The following MRTFA variants were observed in gnomAD, a reference collection of about 807,000 sequenced individuals.
MRTFA encodes the protein myocardin related transcription factor A.
In MRTFA, 20 loss-of-function variants were observed where a neutral mutation model predicts 83.5. The observed-to-expected ratio is 0.24, with a 90% CI of 0.17 to 0.35. The LOEUF (loss-of-function observed/expected upper bound fraction) is 0.35, where lower values mean the gene tolerates loss of function less well. Ranked by LOEUF, MRTFA falls within the 10% of genes least tolerant of loss-of-function variation. MRTFA has a pLI of 1.00. For missense variants in MRTFA, 1,200 were observed against 1,224.7 expected, an observed-to-expected ratio of 0.98 and a Z score of 0.30; for synonymous variants, 659 against 541.2, an observed-to-expected ratio of 1.22 and a Z score of -3.02.
In MRTFA at chr22:40,567,899, T is replaced by C. The variant is rs117518970; in HGVS notation, c.-21-15532A>G. On this transcript the variant is annotated intron_variant, in intron 2 of 14. Coordinates refer to ENST00000355630, the MANE Select transcript of MRTFA (RefSeq NM_020831.6). ...GTTTCTCAATGACATCCTCTCCGGA[T>C]AGATCAAGAATATGCTCCTACTTTA... Among the ~76,000 whole-genome samples, 175 of 152,312 alleles carry C rather than the reference T, an allele frequency of 1.1e-3. 3 individuals carry two copies. The East Asian group carries it at 0.03, about 26-fold the overall frequency.
intron 12 of MRTFA, 129 bp from the exon 13 acceptor site, chr22:40,417,622 G>T: frequency 1.5e-6 from 1 of 669,606 alleles, no homozygotes; most frequent in Non-Finnish European, 2.5e-6. Context: ...GGAGGCACTG[G>T]CTTTTAGGGA....
chr22:40,596,048 G>A (rs554088351), intron 1 of MRTFA, among the ~76,000 whole-genome samples: 3 of 151,352 alleles, frequency 2.0e-5, no homozygotes, highest in Admixed American at 6.6e-5. Flanking sequence ...TTGCTCTCTG[G>A]CCACTAATGT....
rs190165853 is a variant in MRTFA at position 40,449,884 on chromosome 22, C to T, written c.307+13337G>A. Among the ~76,000 whole-genome samples, 344 of 152,316 alleles carry T rather than the reference C, an allele frequency of 2.3e-3. 3 individuals are homozygous for T. Among genetic ancestry groups the T allele is most frequent in the South Asian group, 3.7e-3 (18 of 4,828 alleles). On this transcript the variant is annotated intron_variant, in intron 4 of 14. Coordinates refer to ENST00000355630, the MANE Select transcript of MRTFA (RefSeq NM_020831.6). ...GGCTTAATTCAGATGGGATGGATTC[C>T]ACACCCTGATATTTTTATCAGGGGC...
intron 3 of MRTFA, among the ~76,000 whole-genome samples, chr22:40,528,918 T>C (rs2055027163): frequency 1.3e-5 from 2 of 152,084 alleles, no homozygotes; most frequent in Non-Finnish European, 2.9e-5. Flanking sequence ...CTATCGTTAG[T>C]GTTAATGTAT....
At chr22:40,599,742 T>C (rs1356208349) in intron 1 of MRTFA, among the ~76,000 whole-genome samples, 2 of 151,272 alleles carry the variant, frequency 1.3e-5, no homozygotes, top group Non-Finnish European at 2.9e-5. Context: ...CTACAAAAAA[T>C]ACAAAAATTA....
intron 6 of MRTFA, among the ~76,000 whole-genome samples, chr22:40,430,582 T>C (rs1002817078): frequency 4.6e-5 from 7 of 150,582 alleles, no homozygotes; most frequent in African/African-American, 1.7e-4. Context: ...AAGACAGCTA[T>C]GCGCAGTGGC....
chr22:40,430,340 T>C (rs1201995877), intron 6 of MRTFA, among the ~76,000 whole-genome samples: 2 of 151,108 alleles, frequency 1.3e-5, no homozygotes, highest in African/African-American at 4.9e-5. Flanking sequence ...ATACAAAAAT[T>C]AGCCAGGCGT....
intron 2 of MRTFA, among the ~76,000 whole-genome samples, chr22:40,554,155 G>C (rs1183741767): frequency 6.6e-6 from 1 of 152,194 alleles, no homozygotes; most frequent in South Asian, 2.1e-4. Context: ...GCTCATAGGT[G>C]GAAGGGACTT....
At chr22:40,623,529 G>A (rs1239670129) in intron 1 of MRTFA, among the ~76,000 whole-genome samples, 2 of 151,422 alleles carry the variant, frequency 1.3e-5, no homozygotes, top group African/African-American at 4.9e-5. Flanking sequence ...GGAAAGGGGT[G>A]TTCATTCATT....
At chr22:40,508,295 A>G (rs2054612428) in intron 3 of MRTFA, among the ~76,000 whole-genome samples, 1 of 152,026 alleles carries the variant, frequency 6.6e-6, no homozygotes, top group South Asian at 2.1e-4. Flanking sequence ...AGATCATTTG[A>G]GGTCAGGAGT....
At chr22:40,621,023 T>C (rs961272278) in intron 1 of MRTFA, among the ~76,000 whole-genome samples, 8 of 151,068 alleles carry the variant, frequency 5.3e-5, no homozygotes, top group Non-Finnish European at 1.0e-4. Flanking sequence ...CTACAAAAAA[T>C]ACAAAAAATG....
intron 3 of MRTFA, among the ~76,000 whole-genome samples, chr22:40,538,747 T>G (rs1446976946): frequency 1.3e-5 from 2 of 152,158 alleles, no homozygotes. Context: ...CATTATTTTT[T>G]GTGCAAATTA....
intron 4 of MRTFA, among the ~76,000 whole-genome samples, chr22:40,455,118 T>C (rs1569274344): frequency 6.6e-6 from 1 of 152,144 alleles, no homozygotes; most frequent in Non-Finnish European, 1.5e-5. Context: ...CACTTTCTAA[T>C]ACAGTAGCAA....
chr22:40,518,422 G>A (rs1170766932), intron 3 of MRTFA, among the ~76,000 whole-genome samples: 14 of 119,374 alleles, frequency 1.2e-4, no homozygotes, highest in African/African-American at 3.6e-4. Flanking sequence ...GGTTGTTGGT[G>A]AGGGAAAAAA....
rs758413544 is a variant in MRTFA at position 40,429,586 on chromosome 22, G to C, written c.601+20C>G. On this transcript the variant is annotated intron_variant, in intron 7 of 14. Coordinates refer to ENST00000355630, the MANE Select transcript of MRTFA (RefSeq NM_020831.6). ...TGCATCTCAGCTGCCTCTCACACAG[G>C]GTGGCTGGGTCCTCCTCACCAATGA... 1.2e-6 allele frequency: 2 copies of C among 1,614,032 alleles called. No homozygotes were observed. Among genetic ancestry groups the C allele is most frequent in the Non-Finnish European group, 8.5e-7 (1 of 1,179,984 alleles).
At chr22:40,461,775 G>A (rs1180384299) in intron 4 of MRTFA, among the ~76,000 whole-genome samples, 2 of 152,038 alleles carry the variant, frequency 1.3e-5, no homozygotes, top group African/African-American at 2.4e-5. Flanking sequence ...CTCCAGCCTG[G>A]GCAACAGAGC....
At chr22:40,463,137 T>C in intron 4 of MRTFA, 84 bp downstream of exon 4, 1 of 1,192,356 alleles carries the variant, frequency 8.4e-7, no homozygotes, top group Admixed American at 1.8e-5. Context: ...TTGTTTTATG[T>C]TAGATGCTTC....
At chr22:40,578,460 T>C (rs1231407463) in intron 2 of MRTFA, among the ~76,000 whole-genome samples, 2 of 152,116 alleles carry the variant, frequency 1.3e-5, no homozygotes, top group Non-Finnish European at 2.9e-5. Context: ...GTATGTAACA[T>C]CCTTTCCTCT....
chr22:40,542,176 A>C (rs2055301740), intron 3 of MRTFA, among the ~76,000 whole-genome samples: 1 of 151,450 alleles, frequency 6.6e-6, no homozygotes, highest in South Asian at 2.1e-4. Context: ...CTTTGTGACA[A>C]TTTTCCCCAA....
Sources: allele counts gnomAD v4.1 joint callset (sites outside exome capture counted in the v4.1 genomes callset), GRCh38; gene constraint gnomAD v4.1.1; transcripts MANE v1.5; gene names NCBI Gene and HGNC (gene_info 2026-07-23, HGNC 2026-07-21).